GREB1: variants seen among roughly 807,000 people sequenced by gnomAD.
The protein encoded by GREB1 is growth regulating estrogen receptor binding 1, also known as protein GREB1.
In GREB1, 106 loss-of-function variants were observed where a neutral mutation model predicts 200.7. That is an observed-to-expected ratio of 0.53 (90% CI 0.45 to 0.62). GREB1 has a LOEUF of 0.62. Among genes scored for constraint, GREB1 ranks in the 20% least tolerant of loss-of-function variants. GREB1 has a pLI of 0.00. For synonymous variants in GREB1, 1,132 were observed against 1,092.4 expected (o/e 1.04, Z -0.72); for missense variants, 2,243 against 2,556.8 (o/e 0.88, Z 2.65).
intron 27 of GREB1, among the ~76,000 whole-genome samples, chr2:11,632,673 A>G (rs1033228169): frequency 6.6e-6 from 1 of 152,190 alleles, no homozygotes; most frequent in African/African-American, 2.4e-5. Flanking sequence ...AAGAAAGCAT[A>G]AGAAAGCAAA....
Position 11,618,311 on chromosome 2 carries a change from T to C in GREB1, c.3436T>C (p.Ser1146Pro). ...AGGTTCAGCGCTCGGTGGCGAGTCC[T>C]CGGCTCAGCCCACAGCACTCCCCCA... Reference protein sequence around the residue: ...ASGSALGGESSAQPTALPQGE... With the variant: ...ASGSALGGESPAQPTALPQGE... Residue 1146 changes from serine (S) to proline (P), a missense_variant, in exon 22 of 33, where the codon TCG becomes CCG. Around this residue, in one of 3 missense-constraint regions of GREB1, gnomAD observed 587 missense variants for 553.1 expected, o/e 1.06. Coordinates refer to ENST00000381486, the MANE Select transcript of GREB1 (RefSeq NM_014668.4). 6.3e-7 allele frequency: 1 copy of C among 1,577,326 alleles called. No homozygotes were observed. Among genetic ancestry groups the C allele is most frequent in the Non-Finnish European group, 8.6e-7 (1 of 1,160,386 alleles).
chr2:11,605,106 T>TG (rs200026231), intron 17 of GREB1, among the ~76,000 whole-genome samples: 1,598 of 139,764 alleles, frequency 0.011, 29 homozygotes, highest in African/African-American at 0.04. Context: ...GTGCCTGACC[T>TG]GGGGGTACTG....
At chr2:11,554,052 G>A (rs1676195156) in intron 1 of GREB1, among the ~76,000 whole-genome samples, 1 of 152,164 alleles carries the variant, frequency 6.6e-6, no homozygotes, top group African/African-American at 2.4e-5. Context: ...AATAATGCAG[G>A]TGTCCCCAAA....
chr2:11,617,578 G>C (rs989803980), intron 21 of GREB1, among the ~76,000 whole-genome samples: 7 of 152,234 alleles, frequency 4.6e-5, no homozygotes, highest in Non-Finnish European at 1.0e-4. Flanking sequence ...GGTTACCACA[G>C]GTTTGAGAGA....
intron 1 of GREB1, among the ~76,000 whole-genome samples, chr2:11,495,264 G>A (rs1253019631): frequency 6.6e-6 from 1 of 152,164 alleles, no homozygotes; most frequent in East Asian, 1.9e-4. Flanking sequence ...TTAGCACTAA[G>A]CTACACCGTA....
chr2:11,572,749 C>T (rs775841375), intron 4 of GREB1, among the ~76,000 whole-genome samples: 19 of 151,620 alleles, frequency 1.3e-4, no homozygotes, highest in Non-Finnish European at 2.1e-4. Context: ...TTAGATATCT[C>T]GTAGGCACTT....
chr2:11,634,820 C>T (rs144445569), intron 29 of GREB1, among the ~76,000 whole-genome samples: 497 of 152,290 alleles, frequency 3.3e-3, no homozygotes, highest in Non-Finnish European at 5.4e-3. Context: ...CTCCAAGAAC[C>T]GGGGTTCTGC....
rs1685219209 is a variant in GREB1 at position 11,635,278 on chromosome 2, G to T, written c.5219G>T (p.Cys1740Phe). Residue 1740 changes from cysteine (C) to phenylalanine (F), a missense_variant, in exon 30 of 33, where the codon TGT (cysteine) becomes TTT (phenylalanine). This residue lies in a region of GREB1 where 478 missense variants were observed against 616.3 expected (regional missense o/e 0.78). Coordinates refer to ENST00000381486, the MANE Select transcript of GREB1 (RefSeq NM_014668.4). ...CCTCTGGCCCTGAGTAGGTTCCTGTGTGACGATGTAGACTTCAACCTGCGG... is the reference window on the plus strand; with the variant it reads ...CCTCTGGCCCTGAGTAGGTTCCTGTTTGACGATGTAGACTTCAACCTGCGG... ...NVQYNQNRFLCDDVDFNLRVH... is the reference protein window; with the variant it reads ...NVQYNQNRFLFDDVDFNLRVH... 1 of 1,614,076 alleles carries T rather than the reference G, an allele frequency of 6.2e-7. No homozygotes were observed.
At chr2:11,607,580 A>C (rs1404576424) in intron 17 of GREB1, among the ~76,000 whole-genome samples, 1 of 68,682 alleles carries the variant, frequency 1.5e-5, no homozygotes, top group East Asian at 3.3e-4. Context: ...ATATACACAT[A>C]TATACATATA....
In GREB1 at chr2:11,633,454, C is replaced by CT. The variant is rs957916956; in HGVS notation, c.4991+393dup. Among the ~76,000 whole-genome samples, 1 of 151,520 alleles carries CT rather than the reference C, an allele frequency of 6.6e-6. No individual in the cohort carries two copies. Among genetic ancestry groups the CT allele is most frequent in the Non-Finnish European group, 1.5e-5 (1 of 67,932 alleles). ...TGGCGGGCGCCTGTAGTCCCAGCTACTTGGGAGGCTGAGGCAGAAGCATGG... is the reference window on the plus strand; with the variant it reads ...TGGCGGGCGCCTGTAGTCCCAGCTACTTTGGGAGGCTGAGGCAGAAGCATGG... On this transcript the variant is annotated intron_variant, in intron 28 of 32. Transcript: ENST00000381486. This position sits in a 1 kb window ranked among gnomAD's most constrained non-coding sequence, Gnocchi z 4.1.
chr2:11,500,156 A>T (rs910767274), intron 1 of GREB1, among the ~76,000 whole-genome samples: 12 of 151,510 alleles, frequency 7.9e-5, no homozygotes, highest in Non-Finnish European at 1.2e-4. Context: ...TAGTTTTTTA[A>T]AACTTTTATT....
At chr2:11,596,995 C>G (rs1317505904) in intron 13 of GREB1, among the ~76,000 whole-genome samples, 1 of 150,794 alleles carries the variant, frequency 6.6e-6, no homozygotes, top group Non-Finnish European at 1.5e-5. Flanking sequence ...TGACATGGGG[C>G]AGTGGGCATA....
At chr2:11,496,203 C>G (rs868364741) in intron 1 of GREB1, among the ~76,000 whole-genome samples, 1 of 152,102 alleles carries the variant, frequency 6.6e-6, no homozygotes, top group Non-Finnish European at 1.5e-5. Flanking sequence ...GATCAGGCAC[C>G]GGCCACTGTG....
chr2:11,585,023 G>A, intron 7 of GREB1, 138 bp from the exon 8 acceptor site: 1 of 495,230 alleles, frequency 2.0e-6, no homozygotes. Flanking sequence ...ATTTCACTAG[G>A]TCCTTAAAAC....
intron 31 of GREB1, 40 bp from the exon 32 acceptor site, chr2:11,638,631 A>G: frequency 1.2e-6 from 2 of 1,601,540 alleles, no homozygotes; most frequent in Non-Finnish European, 1.7e-6. Flanking sequence ...TGAGCATTTC[A>G]TAGAAAACGG....
intron 1 of GREB1, among the ~76,000 whole-genome samples, chr2:11,555,937 T>A (rs1428058482): frequency 6.6e-6 from 1 of 152,186 alleles, no homozygotes; most frequent in Non-Finnish European, 1.5e-5. Context: ...TTTGGGGGGA[T>A]AGAAAATAAA....
intron 17 of GREB1, among the ~76,000 whole-genome samples, chr2:11,605,175 T>TTTTC: frequency 7.1e-6 from 1 of 141,384 alleles, no homozygotes; most frequent in Non-Finnish European, 1.5e-5. Flanking sequence ...TTTTTTTTTT[T>TTTTC]TACGCAGCAG....
rs1572820220 is a variant in GREB1 at position 11,585,772 on chromosome 2, C to A, written c.1026C>A (p.Gly342=). ...CTTGGGTGTTCCTAGAGAGCGCAGG[C>A]ATGTCCTGCGTGCCGCAGGTTGGCT... is the stretch of plus-strand genomic sequence containing the variant. ...GGNRAKYESA[G]MSCVPQVGLV... The change falls in exon 9 of 33, where the codon GGC becomes GGA. Residue 342 remains glycine (G), a synonymous_variant. Transcript: ENST00000381486. The A allele has an allele frequency of 1.9e-6, 3 of 1,613,108 alleles. 1 individual carries two copies. The highest frequency in any genetic ancestry group is 8.5e-7 in the Non-Finnish European group (1 of 1,180,018).
intron 2 of GREB1, among the ~76,000 whole-genome samples, chr2:11,559,410 G>T (rs1362947798): frequency 2.0e-5 from 3 of 152,154 alleles, no homozygotes; most frequent in Non-Finnish European, 4.4e-5. Flanking sequence ...CTTACTGACT[G>T]GATTTTGAGC....
Sources: allele counts gnomAD v4.1 joint callset (sites outside exome capture counted in the v4.1 genomes callset), GRCh38; gene constraint gnomAD v4.1.1; regional missense constraint gnomAD v4.1.1; non-coding constraint Gnocchi (gnomAD v3.1); transcripts MANE v1.5; gene names NCBI Gene and HGNC (gene_info 2026-07-23, HGNC 2026-07-21).